The following SF1 variants were observed in gnomAD, a reference collection of about 807,000 sequenced individuals.
SF1 encodes branch point-binding protein.
A neutral mutation model predicts 62.5 loss-of-function variants in SF1; 7 were observed. That is an observed-to-expected ratio of 0.11 (90% CI 0.06 to 0.21). The LOEUF is 0.21. Ranked by LOEUF, SF1 falls within the 10% of genes least tolerant of loss-of-function variation. The pLI is 1.00. For missense variants in SF1, 578 were observed against 884.0 expected, an observed-to-expected ratio of 0.65 and a Z score of 4.39; for synonymous variants, 394 against 323.6, an observed-to-expected ratio of 1.22 and a Z score of -2.33.
At chr11:64,770,481 T>G in intron 3 of SF1, 73 bp from the exon 4 acceptor site, 1 of 1,535,230 alleles carries the variant, frequency 6.5e-7, no homozygotes, top group Non-Finnish European at 8.9e-7. Context: ...TAACAAGTCT[T>G]TCCCAGCCCC....
intron 3 of SF1, chr11:64,772,629 GGA>G: frequency 1.0e-6 from 1 of 984,910 alleles, no homozygotes; most frequent in Non-Finnish European, 1.2e-6. Context: ...TCAGTGAGAG[GGA>G]GAGACTTACT....
Position 64,765,382 on chromosome 11 carries a change from A to G in SF1, c.*436T>C. The G allele has an allele frequency of 1.8e-6, 2 of 1,138,012 alleles. No homozygotes were observed. Among genetic ancestry groups the G allele is most frequent in the Non-Finnish European group, 2.6e-6 (2 of 759,914 alleles). 70.5% of individuals were successfully genotyped at this position (1,138,012 alleles called of 1,614,324 possible). On this transcript the variant is annotated 3_prime_UTR_variant, in exon 13 of 13. Transcript: ENST00000377390. ...CAGCGTGTTCCGATTCCGTCCACAA[A>G]AATAACTCAGGCTGCTTTGCCGAAC...
In SF1 at chr11:64,765,569, G is replaced by A; in HGVS notation, c.*249C>T. On this transcript the variant is annotated 3_prime_UTR_variant, in exon 13 of 13. Transcript: ENST00000377390. ...AAAGGGAGTTGGGTGAGGAGAGAAA[G>A]AAGACAAAGAAGACACTCGATGCTA... 1.9e-6 allele frequency: 3 copies of A among 1,553,942 alleles called. No individual in the cohort carries two copies. The highest frequency in any genetic ancestry group is 2.3e-5 in the East Asian group (1 of 43,508).
At chr11:64,768,465 G>A (rs1036526471) in intron 8 of SF1, among the ~76,000 whole-genome samples, 179 bp from the exon 9 acceptor site, 3 of 152,142 alleles carry the variant, frequency 2.0e-5, no homozygotes, top group Non-Finnish European at 4.4e-5. Flanking sequence ...CTTCAGTTTC[G>A]TGCCCAGTTC....
chr11:64,777,665 C>G, intron 1 of SF1: 1 of 985,548 alleles, frequency 1.0e-6, no homozygotes, highest in Non-Finnish European at 1.2e-6. Flanking sequence ...CGCTGAACAC[C>G]CGCCACCCCT....
chr11:64,776,218 G>A (rs1939218714), intron 2 of SF1: 1 of 368,008 alleles, frequency 2.7e-6, no homozygotes, highest in Non-Finnish European at 5.1e-6. Flanking sequence ...ATGAACAGCA[G>A]CTGAAAAGGG....
At position 64,765,722 on chromosome 11, in the gene SF1, T is replaced by G; in HGVS notation, c.*96A>C. 1 of 1,463,578 alleles carries G rather than the reference T, an allele frequency of 6.8e-7. No homozygotes were observed. The highest frequency in any genetic ancestry group is 9.0e-7 in the Non-Finnish European group (1 of 1,108,812). 90.7% of individuals were successfully genotyped at this position (1,463,578 alleles called of 1,614,324 possible). A position where few individuals can be genotyped will look rare whatever the true frequency, so the allele number is the denominator to read the frequency against. The stretch of plus-strand genomic sequence containing the variant: ...ATGCGTGCACACACAATCACATGCG[T>G]GCGTCCCAATGTCTGGCTCCATATG... On this transcript the variant is annotated 3_prime_UTR_variant, in exon 13 of 13. Transcript: ENST00000377390.
chr11:64,769,128 T>G lies in SF1; in HGVS notation c.781A>C (p.Ile261Leu). ...NGTLREDDNR[I>L]LRPWQSSETR... is the part of the protein sequence containing the mutation. Reference sequence around the variant, plus strand: ...TCTGAGCTCTGCCAGGGTCTTAAGATCCTATTAAAGGAAAAAGAGGTCAAT... The same window carrying G: ...TCTGAGCTCTGCCAGGGTCTTAAGAGCCTATTAAAGGAAAAAGAGGTCAAT... The change falls in exon 8 of 13, where the codon ATC becomes CTC. Residue 261 changes from isoleucine to leucine, a missense_variant and splice_region_variant. Ile to Leu is a conservative substitution (Grantham distance 5, BLOSUM62 2). Transcript: ENST00000377390. 6.2e-7 allele frequency: 1 copy of G among 1,613,714 alleles called. No homozygotes were observed. The highest frequency in any genetic ancestry group is 8.5e-7 in the Non-Finnish European group (1 of 1,179,596).
Position 64,765,898 on chromosome 11 carries a change from T to C in SF1, c.1840A>G (p.Thr614Ala), listed in dbSNP as rs1409418666. Reference sequence around the variant, plus strand: ...CCCGCCACCCCCATGCCCATCATGGTGACAAAGTTAGAAGGGTCCATGGGA... The same window carrying C: ...CCCGCCACCCCCATGCCCATCATGGCGACAAAGTTAGAAGGGTCCATGGGA... ...PPPMDPSNFV[T>A]MMGMGVAGMP... The change falls in exon 13 of 13, where the codon ACC (threonine) becomes GCC (alanine). Residue 614 changes from threonine to alanine, a missense_variant. This residue lies in a region of SF1 where 410 missense variants were observed against 452.4 expected (regional missense o/e 0.91). Coordinates refer to ENST00000377390, the MANE Select transcript of SF1 (RefSeq NM_004630.4). The C allele has an allele frequency of 6.4e-7, 1 of 1,563,032 alleles. No individual in the cohort carries two copies. Among genetic ancestry groups the C allele is most frequent in the Admixed American group, 1.9e-5 (1 of 52,372 alleles).
intron 1 of SF1, 188 bp downstream of exon 1, chr11:64,778,174 C>CTGCTGG: frequency 2.2e-6 from 2 of 898,356 alleles, no homozygotes. Flanking sequence ...GGGGCGGCGG[C>CTGCTGG]GGAGGCGGCG....
At chr11:64,773,170 A>T in intron 3 of SF1, 1 of 1,308,818 alleles carries the variant, frequency 7.6e-7, no homozygotes, top group Non-Finnish European at 9.7e-7. Flanking sequence ...TCAGGTTAAG[A>T]TCTACATGCT....
chr11:64,775,895 T>C (rs375590824), intron 2 of SF1, among the ~76,000 whole-genome samples: 1 of 152,272 alleles, frequency 6.6e-6, no homozygotes. Context: ...TCTTTAAAAG[T>C]AAATACAAGA....
Position 64,764,636 on chromosome 11 carries a change from T to C in SF1, c.*1182A>G, listed in dbSNP as rs1220271140. On this transcript the variant is annotated 3_prime_UTR_variant, in exon 13 of 13. Transcript: ENST00000377390. ...AAAACCACACTGCTCTTTTATTCAATGGAACATCCCCGCTTTAGCGCAGTG... is the reference window on the plus strand; with the variant it reads ...AAAACCACACTGCTCTTTTATTCAACGGAACATCCCCGCTTTAGCGCAGTG... 3 of 152,552 alleles carry C rather than the reference T, an allele frequency of 2.0e-5. No homozygotes were observed. Among genetic ancestry groups the C allele is most frequent in the East Asian group, 3.9e-4 (2 of 5,190 alleles). 9.4% of individuals were successfully genotyped at this position (152,552 alleles called of 1,614,324 possible). A position where few individuals can be genotyped will look rare whatever the true frequency, so the allele number is the denominator to read the frequency against.
intron 1 of SF1, 158 bp downstream of exon 1, chr11:64,778,204 G>T: frequency 9.1e-7 from 1 of 1,104,796 alleles, no homozygotes; most frequent in East Asian, 3.7e-5. Flanking sequence ...CCGCGAAGGG[G>T]AAGGCCGCGG....
In SF1 at chr11:64,768,319, G is replaced by C. The variant is rs1313311454; in HGVS notation, c.888-33C>G. 1.9e-6 allele frequency: 3 copies of C among 1,595,874 alleles called. No individual in the cohort carries two copies. In the Admixed American group the frequency reaches 5.5e-5, roughly 29 times the overall value. ...GGGGTGGGGGACACAAACAGAGAAA[G>C]GGGAAAAACTTGTTAAGAAGGAAGC... On this transcript the variant is annotated intron_variant, in intron 8 of 12. Transcript: ENST00000377390.
chr11:64,767,937 A>T (rs1369719024), intron 9 of SF1, 93 bp from the exon 10 acceptor site: 1 of 1,519,396 alleles, frequency 6.6e-7, no homozygotes, highest in Non-Finnish European at 8.8e-7. Flanking sequence ...GAACACAAGA[A>T]CAAGGTCTTC....
Position 64,778,520 on chromosome 11 carries a change from G to A in SF1, c.-128C>T. 1.7e-6 allele frequency: 2 copies of A among 1,205,336 alleles called. No individual in the cohort carries two copies. Among genetic ancestry groups the A allele is most frequent in the Non-Finnish European group, 2.1e-6 (2 of 970,412 alleles). 74.7% of individuals were successfully genotyped at this position (1,205,336 alleles called of 1,614,324 possible). On this transcript the variant is annotated 5_prime_UTR_variant, in exon 1 of 13. Coordinates refer to ENST00000377390, the MANE Select transcript of SF1 (RefSeq NM_004630.4). Reference sequence around the variant, plus strand: ...GCGGAGCCCGTCCTCTCACGCGGCGGGCGGCGGCGGCGCGAGACGCACAAA... The same window carrying A: ...GCGGAGCCCGTCCTCTCACGCGGCGAGCGGCGGCGGCGCGAGACGCACAAA...
In SF1 at chr11:64,765,168, C is replaced by T. The variant is rs752518256; in HGVS notation, c.*650G>A. On this transcript the variant is annotated 3_prime_UTR_variant, in exon 13 of 13. Transcript: ENST00000377390. ...ACCAGCTTGACATGAATGGCCAAAG[C>T]CCTTGCCCAAAACCATTTGCTCCCC... The T allele has an allele frequency of 2.3e-5, 8 of 340,748 alleles. No individual in the cohort carries two copies. In the Middle Eastern group the frequency reaches 2.4e-3, roughly 100 times the overall value. The allele number at this position is 340,748 out of a possible 1,614,324, so 21.1% of individuals were successfully genotyped here.
Position 64,769,557 on chromosome 11 carries a change from G to C in SF1, c.532C>G (p.Arg178Gly), listed in dbSNP as rs1937952558. ...EKECNAKIMI[R>G]GKGSVKEGKV... The stretch of plus-strand genomic sequence containing the variant: ...CCTTCTTTCACAGACCCTTTCCCCC[G>C]GATCATAATCTTGGCATTGCACTCC... Residue 178 changes from arginine (R) to glycine (G), a missense_variant, in exon 6 of 13, where the codon CGG (arginine) becomes GGG (glycine). Transcript: ENST00000377390. 6.2e-7 allele frequency: 1 copy of C among 1,613,854 alleles called. No individual in the cohort carries two copies. Among genetic ancestry groups the C allele is most frequent in the African/African-American group, 1.3e-5 (1 of 74,856 alleles).
Sources: allele counts gnomAD v4.1 joint callset (sites outside exome capture counted in the v4.1 genomes callset), GRCh38; gene constraint gnomAD v4.1.1; regional missense constraint gnomAD v4.1.1; transcripts MANE v1.5; gene names NCBI Gene and HGNC (gene_info 2026-07-23, HGNC 2026-07-21).